The following GFRA1 variants were observed in gnomAD, a reference collection of about 807,000 sequenced individuals.
GFRA1 encodes the protein GDNF family receptor alpha 1.
A neutral mutation model predicts 51.6 loss-of-function variants in GFRA1; 16 were observed. The observed-to-expected ratio is 0.31, with a 90% CI of 0.21 to 0.47. GFRA1 has a LOEUF of 0.47. Ranked by LOEUF, GFRA1 falls within the 20% of genes least tolerant of loss-of-function variation. GFRA1 has a pLI of 1.00. For missense variants in GFRA1, 530 were observed against 594.3 expected, an observed-to-expected ratio of 0.89 and a Z score of 1.13; for synonymous variants, 270 against 241.3, an observed-to-expected ratio of 1.12 and a Z score of -1.10.
At chr10:116,081,311 G>T (rs1371733661) in intron 9 of GFRA1, among the ~76,000 whole-genome samples, 2 of 152,198 alleles carry the variant, frequency 1.3e-5, no homozygotes, top group Non-Finnish European at 2.9e-5. Context: ...TTGTACTGCG[G>T]TCTACCAGTT....
intron 5 of GFRA1, among the ~76,000 whole-genome samples, chr10:116,145,148 CA>C (rs58509181): frequency 0.036 from 1,028 of 28,656 alleles, 5 homozygotes; most frequent in African/African-American, 0.14. Flanking sequence ...GACTCTGTCT[CA>C]AAAAAAAAAA....
chr10:116,100,348 G>A (rs768367982), intron 6 of GFRA1, among the ~76,000 whole-genome samples: 11 of 152,262 alleles, frequency 7.2e-5, no homozygotes, highest in East Asian at 3.9e-4. Context: ...ACCGAGGCAC[G>A]GAGCCTTTAA....
chr10:116,202,263 G>C (rs1264706340), intron 5 of GFRA1, among the ~76,000 whole-genome samples: 12 of 152,106 alleles, frequency 7.9e-5, no homozygotes, highest in African/African-American at 1.7e-4. Flanking sequence ...TGAGGGGTGG[G>C]GTGAGTCAGA....
At chr10:116,200,762 C>T (rs1007607112) in intron 5 of GFRA1, among the ~76,000 whole-genome samples, 2 of 152,180 alleles carry the variant, frequency 1.3e-5, no homozygotes, top group African/African-American at 4.8e-5. Context: ...GAGCTCTACC[C>T]TATGACCTAA....
chr10:116,189,747 T>A (rs568124693), intron 5 of GFRA1, among the ~76,000 whole-genome samples: 15 of 152,244 alleles, frequency 9.9e-5, no homozygotes, highest in Non-Finnish European at 1.5e-4. Context: ...TTACAGTTTA[T>A]ATTTCCAGTG....
At chr10:116,218,534 T>C (rs927100728) in intron 4 of GFRA1, among the ~76,000 whole-genome samples, 13 of 152,158 alleles carry the variant, frequency 8.5e-5, no homozygotes, top group Admixed American at 8.5e-4. Context: ...ATGGCCAGAG[T>C]CCAGAGCTCC....
At chr10:116,194,105 A>C (rs1276137151) in intron 5 of GFRA1, among the ~76,000 whole-genome samples, 2 of 151,712 alleles carry the variant, frequency 1.3e-5, no homozygotes, top group South Asian at 2.1e-4. Context: ...TAAAACCTTA[A>C]ATGAGGAGCC....
chr10:116,245,204 C>T (rs1261338102), intron 4 of GFRA1, among the ~76,000 whole-genome samples: 2 of 151,818 alleles, frequency 1.3e-5, no homozygotes, highest in Non-Finnish European at 2.9e-5. Context: ...CCAAAATATA[C>T]AAAGAACTCT....
chr10:116,180,834 T>C (rs984573231), intron 5 of GFRA1, among the ~76,000 whole-genome samples: 9 of 152,206 alleles, frequency 5.9e-5, no homozygotes, highest in Non-Finnish European at 1.0e-4. Context: ...TAGACCCTTC[T>C]ATAAGCTGTG....
intron 8 of GFRA1, among the ~76,000 whole-genome samples, chr10:116,091,098 C>T (rs1204511301): frequency 6.6e-6 from 1 of 152,238 alleles, no homozygotes; most frequent in African/African-American, 2.4e-5. Flanking sequence ...CACTGCTACC[C>T]TTGCTTTTGC....
In GFRA1 at chr10:116,122,786, T is replaced by G. The variant is rs115937838; in HGVS notation, c.770+2435A>C. Among the ~76,000 whole-genome samples the G allele has an allele frequency of 3.4e-3, 522 of 152,246 alleles. 3 individuals are homozygous for G. The highest frequency in any genetic ancestry group is 0.012 in the African/African-American group (511 of 41,544). The stretch of plus-strand genomic sequence containing the variant: ...CACCACCTCTCCCACCTCCCAGCCA[T>G]CGTTCAATAGATGGAAGACTCATCC... On this transcript the variant is annotated intron_variant, in intron 6 of 10. Coordinates refer to ENST00000355422, the MANE Select transcript of GFRA1 (RefSeq NM_005264.8).
intron 5 of GFRA1, among the ~76,000 whole-genome samples, chr10:116,131,918 A>T (rs1958120625): frequency 6.6e-6 from 1 of 151,578 alleles, no homozygotes; most frequent in South Asian, 2.1e-4. Context: ...AAAAAAAAAA[A>T]AAAAAAGGCC....
chr10:116,075,428 T>C (rs1955575744), intron 9 of GFRA1, among the ~76,000 whole-genome samples: 1 of 152,192 alleles, frequency 6.6e-6, no homozygotes, highest in Non-Finnish European at 1.5e-5. Context: ...TAAATGTTAC[T>C]GTCCTGGAGG....
intron 6 of GFRA1, among the ~76,000 whole-genome samples, chr10:116,100,086 G>C (rs1956758930): frequency 6.6e-6 from 1 of 152,148 alleles, no homozygotes; most frequent in Admixed American, 6.5e-5. Context: ...TTTCCAAGAG[G>C]CTGTGATATT....
intron 4 of GFRA1, among the ~76,000 whole-genome samples, chr10:116,214,671 T>A (rs1965438423): frequency 6.6e-6 from 1 of 152,186 alleles, no homozygotes; most frequent in Non-Finnish European, 1.5e-5. Flanking sequence ...CCTGAAAACA[T>A]TAGTGAAATA....
chr10:116,255,502 A>T, intron 4 of GFRA1: 1 of 956,348 alleles, frequency 1.0e-6, no homozygotes. Flanking sequence ...CAGGAAAAAA[A>T]AAAACAAAAA....
chr10:116,196,810 T>C (rs1211020559), intron 5 of GFRA1, among the ~76,000 whole-genome samples: 1 of 132,278 alleles, frequency 7.6e-6, no homozygotes, highest in Non-Finnish European at 1.6e-5. Context: ...TATATAAATA[T>C]ATAAATATAA....
intron 4 of GFRA1, among the ~76,000 whole-genome samples, chr10:116,226,358 G>A (rs893484339): frequency 2.0e-5 from 3 of 152,296 alleles, no homozygotes; most frequent in Admixed American, 2.0e-4. Context: ...GAAGAGTCAC[G>A]ATCAAAGGGC....
At position 116,115,160 on chromosome 10, in the gene GFRA1, G is replaced by A. The variant is rs138565828; in HGVS notation, c.770+10061C>T. Among the ~76,000 whole-genome samples, 43 of 152,250 alleles carry A rather than the reference G, an allele frequency of 2.8e-4. No homozygotes were observed. In the South Asian group the frequency reaches 7.1e-3, roughly 25 times the overall value. On this transcript the variant is annotated intron_variant, in intron 6 of 10. Coordinates refer to ENST00000355422, the MANE Select transcript of GFRA1 (RefSeq NM_005264.8). Reference sequence around the variant, plus strand: ...ATAATTAATTGCCTTTGGAAATGACGAGCAATTTCCCATTCACTGAGTTGG... The same window carrying A: ...ATAATTAATTGCCTTTGGAAATGACAAGCAATTTCCCATTCACTGAGTTGG...
Sources: gnomAD v4.1 joint callset for allele counts (sites outside exome capture counted in the v4.1 genomes callset) on GRCh38, gnomAD v4.1.1 for gene constraint, MANE v1.5 for transcripts, NCBI Gene and HGNC (gene_info 2026-07-23, HGNC 2026-07-21) for gene names.